Variants in ATPAF2 observed in about 807,000 individuals in gnomAD.
ATPAF2 encodes the protein ATP synthase mitochondrial F1 complex assembly factor 2, also known as ATP12 homolog.
A neutral mutation model predicts 36.6 loss-of-function variants in ATPAF2; 30 were observed. The ratio of observed to expected loss-of-function variants is 0.82; its 90% CI spans 0.61 to 1.11. ATPAF2 has a LOEUF of 1.11. ATPAF2 is among the 50% of genes most tolerant of loss of function. The pLI is 0.00. For missense variants in ATPAF2, 321 were observed against 372.3 expected (o/e 0.86, Z 1.13); for synonymous variants, 140 against 152.6 (o/e 0.92, Z 0.61).
chr17:18,038,441 T>G (rs1040380374), intron 1 of ATPAF2, among the ~76,000 whole-genome samples: 1 of 152,242 alleles, frequency 6.6e-6, no homozygotes, highest in Admixed American at 6.5e-5. Context: ...GATGGAGGAA[T>G]GAAGGCCCAG....
chr17:18,024,060 GTTATT>G (rs2044508603), intron 5 of ATPAF2, among the ~76,000 whole-genome samples: 1 of 152,192 alleles, frequency 6.6e-6, no homozygotes, highest in Non-Finnish European at 1.5e-5. Flanking sequence ...ATGTTGTTCT[GTTATT>G]TTATTTAATA....
chr17:18,038,385 T>C (rs1597683205), intron 1 of ATPAF2, among the ~76,000 whole-genome samples: 5 of 151,830 alleles, frequency 3.3e-5, no homozygotes, highest in African/African-American at 1.2e-4. Context: ...ATGGCAGAGG[T>C]TGTGGTAGGA....
chr17:18,028,687 G>GTT, intron 1 of ATPAF2, 28 bp from the exon 2 acceptor site: 1 of 1,609,840 alleles, frequency 6.2e-7, no homozygotes, highest in Non-Finnish European at 8.5e-7. Context: ...CAAAGAGGCA[G>GTT]TTTAAAATAA....
At chr17:18,022,406 C>T (rs1261372772) in intron 5 of ATPAF2, among the ~76,000 whole-genome samples, 1 of 152,074 alleles carries the variant, frequency 6.6e-6, no homozygotes, top group African/African-American at 2.4e-5. Flanking sequence ...CTCAGTCTCC[C>T]AAGTAGCTGG....
At chr17:18,032,250 C>T (rs1040576917) in intron 1 of ATPAF2, among the ~76,000 whole-genome samples, 7 of 152,226 alleles carry the variant, frequency 4.6e-5, no homozygotes, top group East Asian at 1.9e-4. Context: ...CTGGGGCAGA[C>T]GAACAGACTC....
chr17:18,016,778 T>G, downstream of ATPAF2: 1 of 602,452 alleles, frequency 1.7e-6, no homozygotes. Flanking sequence ...TGGGCATCTC[T>G]CAACCGCGAT....
chr17:18,029,522 A>ATT (rs1322426730), intron 1 of ATPAF2, among the ~76,000 whole-genome samples: 3 of 152,216 alleles, frequency 2.0e-5, no homozygotes, highest in African/African-American at 7.2e-5. Context: ...AACTGAAGTT[A>ATT]TTTATTGGAA....
intron 1 of ATPAF2, among the ~76,000 whole-genome samples, chr17:18,030,854 T>TA (rs1298506263): frequency 0.019 from 2,113 of 112,920 alleles, 67 homozygotes; most frequent in African/African-American, 0.063. Context: ...TTTTTTTTTT[T>TA]AGTAGAGACG....
At chr17:18,016,633 G>C (rs1012789802), downstream of ATPAF2, 1 of 1,613,572 alleles carries the variant, frequency 6.2e-7, no homozygotes, top group African/African-American at 1.3e-5. Flanking sequence ...CATGCAGAGC[G>C]AACTGGACAA....
At chr17:18,021,618 A>G (rs1226375949) in intron 6 of ATPAF2, 127 bp downstream of exon 6, 14 of 867,980 alleles carry the variant, frequency 1.6e-5, no homozygotes, top group African/African-American at 1.6e-5. Flanking sequence ...CCCAGCCTCC[A>G]CACTCAGCTA....
chr17:18,034,878 T>C (rs1268172811), intron 1 of ATPAF2, among the ~76,000 whole-genome samples: 2 of 152,226 alleles, frequency 1.3e-5, no homozygotes, highest in African/African-American at 4.8e-5. Flanking sequence ...TATTTACACA[T>C]ACAATGGAAT....
chr17:18,016,164 T>G (rs371092039), downstream of ATPAF2: 7 of 1,613,902 alleles, frequency 4.3e-6, no homozygotes, highest in African/African-American at 1.3e-5. Context: ...GTGACCAGAA[T>G]CAACTCTTGG....
chr17:18,033,450 A>T (rs1166228163), intron 1 of ATPAF2, among the ~76,000 whole-genome samples: 1 of 151,858 alleles, frequency 6.6e-6, no homozygotes, highest in African/African-American at 2.4e-5. Flanking sequence ...AAAATGTGAG[A>T]CCACCAGAAA....
In ATPAF2 at chr17:18,021,220, G is replaced by A. The variant is rs2044465325; in HGVS notation, c.635C>T (p.Ala212Val). The A allele has an allele frequency of 1.2e-5, 19 of 1,613,592 alleles. No individual in the cohort carries two copies. Among genetic ancestry groups the A allele is most frequent in the Non-Finnish European group, 1.4e-5 (17 of 1,179,860 alleles). ...WALQGIEFVA[A>V]QLKSMVLTLG... ...GGTTAGCACCATGGACTTGAGCTGGGCAGCTACAAACTCAATCCCTGCAGG... is the reference window on the plus strand; with the variant it reads ...GGTTAGCACCATGGACTTGAGCTGGACAGCTACAAACTCAATCCCTGCAGG... The change falls in exon 7 of 8, where the codon GCC becomes GTC. Residue 212 changes from alanine (A) to valine (V), a missense_variant. By Grantham distance (64) the Ala-to-Val change is moderately conservative (BLOSUM62 0). This residue lies in a region of ATPAF2 where 199 missense variants were observed against 220.6 expected (regional missense o/e 0.90). Transcript: ENST00000474627.
At chr17:18,017,598 T>C (rs560578154), downstream of ATPAF2, among the ~76,000 whole-genome samples, 50 of 152,190 alleles carry the variant, frequency 3.3e-4, no homozygotes, top group Non-Finnish European at 5.7e-4. Context: ...TGGTGTCATC[T>C]GTGACAGTAC....
intron 3 of ATPAF2, chr17:18,027,989 C>A (rs2044572262): frequency 1.8e-6 from 1 of 559,586 alleles, no homozygotes; most frequent in Non-Finnish European, 3.2e-6. Context: ...AAGGTGACAT[C>A]TGTCCTGAAA....
At chr17:18,019,741 C>T (rs2044441870) in intron 7 of ATPAF2, among the ~76,000 whole-genome samples, 2 of 152,270 alleles carry the variant, frequency 1.3e-5, no homozygotes, top group African/African-American at 4.8e-5. Context: ...CACCATGCTA[C>T]ACAAGCTATT....
chr17:18,016,414 A>G (rs79088211), downstream of ATPAF2: 996 of 784,032 alleles, frequency 1.3e-3, 10 homozygotes, highest in African/African-American at 0.016. Context: ...ATATACAGAG[A>G]TCAGCAGAAC....
At chr17:18,026,462 G>A (rs34859299) in intron 3 of ATPAF2, 46 bp from the exon 4 acceptor site, 2 of 1,488,406 alleles carry the variant, frequency 1.3e-6, no homozygotes, top group Non-Finnish European at 1.9e-6. Context: ...GCGGGGCTCA[G>A]GCAAAAGCCC....
Sources: allele counts gnomAD v4.1 joint callset (sites outside exome capture counted in the v4.1 genomes callset), GRCh38; gene constraint gnomAD v4.1.1; regional missense constraint gnomAD v4.1.1; transcripts MANE v1.5; gene names NCBI Gene and HGNC (gene_info 2026-07-23, HGNC 2026-07-21).